PPFIBP2: variants seen among roughly 807,000 people sequenced by gnomAD.
The protein encoded by PPFIBP2 is liprin-beta-2.
A neutral mutation model predicts 118.3 loss-of-function variants in PPFIBP2; 118 were observed. The ratio of observed to expected loss-of-function variants is 1.00; its 90% CI spans 0.86 to 1.16. PPFIBP2 has a LOEUF of 1.16. Ranked by LOEUF, PPFIBP2 falls within the 50% of genes most tolerant of loss-of-function variation. PPFIBP2 has a pLI of 0.00. For synonymous variants in PPFIBP2, 414 were observed against 397.4 expected (o/e 1.04, Z -0.50); for missense variants, 1,195 against 1,073.1 (o/e 1.11, Z -1.59).
At position 7,632,532 on chromosome 11, in the gene PPFIBP2, G is replaced by A. The variant is rs1033004460; in HGVS notation, c.1069-335G>A. ...TTTTTAAAAGAGTCTGCAGTGGCTC[G>A]CTGAATGAAAGGAAAAGCTGAAGAA... On this transcript the variant is annotated intron_variant, in intron 11 of 23. Coordinates refer to ENST00000299492, the MANE Select transcript of PPFIBP2 (RefSeq NM_003621.5). 9.8e-5 allele frequency: 18 copies of A among 183,998 alleles called. No individual in the cohort carries two copies. The South Asian group carries it at 2.0e-3, about 21-fold the overall frequency. 11.4% of individuals were successfully genotyped at this position (183,998 alleles called of 1,614,324 possible).
intron 2 of PPFIBP2, among the ~76,000 whole-genome samples, chr11:7,556,682 G>C (rs1024040017): frequency 2.0e-5 from 3 of 152,116 alleles, no homozygotes; most frequent in African/African-American, 7.2e-5. Context: ...TAGTCTGTCA[G>C]TAATAGATTG....
chr11:7,612,257 C>T (rs538690038), intron 6 of PPFIBP2, among the ~76,000 whole-genome samples: 2 of 152,270 alleles, frequency 1.3e-5, no homozygotes, highest in African/African-American at 4.8e-5. Context: ...TCAGTAGCTC[C>T]GGAATGATAT....
At chr11:7,582,981 C>A (rs1013079321) in intron 3 of PPFIBP2, among the ~76,000 whole-genome samples, 1 of 152,154 alleles carries the variant, frequency 6.6e-6, no homozygotes, top group Admixed American at 6.5e-5. Flanking sequence ...AGGGAAAAAA[C>A]AAATCAAAAC....
chr11:7,610,752 C>T (rs900650296), intron 6 of PPFIBP2, among the ~76,000 whole-genome samples: 8 of 152,110 alleles, frequency 5.3e-5, no homozygotes, highest in Non-Finnish European at 7.3e-5. Flanking sequence ...GAAATGACGA[C>T]GTACCGGAAT....
chr11:7,514,766 A>G (rs1849083053), intron 1 of PPFIBP2, among the ~76,000 whole-genome samples: 1 of 152,240 alleles, frequency 6.6e-6, no homozygotes, highest in Non-Finnish European at 1.5e-5. Flanking sequence ...TGAAAATAAG[A>G]TTATGTAACA....
chr11:7,644,375 A>G (rs1191688102), intron 17 of PPFIBP2, among the ~76,000 whole-genome samples: 1 of 152,192 alleles, frequency 6.6e-6, no homozygotes, highest in Non-Finnish European at 1.5e-5. Flanking sequence ...ATAGTTTGTG[A>G]GTTTATTATG....
chr11:7,593,105 G>A (rs1333411845), intron 3 of PPFIBP2, 27 bp from the exon 4 acceptor site: 4 of 1,605,736 alleles, frequency 2.5e-6, no homozygotes, highest in East Asian at 2.2e-5. Context: ...CCTTTTAAGT[G>A]TATTCTTTTT....
At chr11:7,541,956 T>A (rs1851833499) in intron 1 of PPFIBP2, among the ~76,000 whole-genome samples, 1 of 152,208 alleles carries the variant, frequency 6.6e-6, no homozygotes, top group Non-Finnish European at 1.5e-5. Context: ...CCAAGGTATA[T>A]CAGGAATTAG....
intron 3 of PPFIBP2, among the ~76,000 whole-genome samples, chr11:7,582,731 A>C (rs74648448): frequency 6.6e-6 from 1 of 151,636 alleles, no homozygotes; most frequent in East Asian, 1.9e-4. Context: ...AAAAAAAAAA[A>C]CCAGCCAAAC....
At chr11:7,543,977 C>G (rs1045366308) in intron 1 of PPFIBP2, among the ~76,000 whole-genome samples, 2 of 152,174 alleles carry the variant, frequency 1.3e-5, no homozygotes, top group Admixed American at 1.3e-4. Flanking sequence ...GGCTTTTCCT[C>G]ACTGGCTGCA....
chr11:7,598,738 A>C (rs1042553627), intron 5 of PPFIBP2, among the ~76,000 whole-genome samples: 4 of 149,710 alleles, frequency 2.7e-5, no homozygotes, highest in African/African-American at 9.8e-5. Context: ...AAGCGCTAGC[A>C]TTTTTTTTTT....
At chr11:7,518,989 G>A (rs962620912) in intron 1 of PPFIBP2, among the ~76,000 whole-genome samples, 8 of 152,172 alleles carry the variant, frequency 5.3e-5, no homozygotes, top group Non-Finnish European at 8.8e-5. Context: ...TGGCGGGATG[G>A]GTTTACAGGC....
intron 1 of PPFIBP2, among the ~76,000 whole-genome samples, chr11:7,525,717 G>A (rs1439475510): frequency 6.6e-6 from 1 of 152,220 alleles, no homozygotes; most frequent in African/African-American, 2.4e-5. Context: ...TTGTGTGAGT[G>A]TCCTACCCAT....
In PPFIBP2 at chr11:7,528,136, C is replaced by G. The variant is rs78097427; in HGVS notation, c.-37+14015C>G. 2.8e-3 allele frequency among the ~76,000 whole-genome samples: 426 copies of G among 152,258 alleles called. 2 individuals carry two copies. The highest frequency in any genetic ancestry group is 7.5e-3 in the African/African-American group (312 of 41,540). On this transcript the variant is annotated intron_variant, in intron 1 of 23. Coordinates refer to ENST00000299492, the MANE Select transcript of PPFIBP2 (RefSeq NM_003621.5). ...ATGTTTAGAGTCCAGATTATGCAGTCTTAAATTTACAGTGAAGACCTGTTC... is the reference window on the plus strand; with the variant it reads ...ATGTTTAGAGTCCAGATTATGCAGTGTTAAATTTACAGTGAAGACCTGTTC...
At chr11:7,533,620 C>T (rs1465162365) in intron 1 of PPFIBP2, among the ~76,000 whole-genome samples, 4 of 152,154 alleles carry the variant, frequency 2.6e-5, no homozygotes. Context: ...GCATCCAGCA[C>T]CTTCAGGGAT....
intron 3 of PPFIBP2, among the ~76,000 whole-genome samples, chr11:7,592,637 G>A (rs1441743544): frequency 6.6e-6 from 1 of 152,216 alleles, no homozygotes; most frequent in Admixed American, 6.5e-5. Context: ...GTGATGTTCA[G>A]GATGGGCCTC....
At chr11:7,620,110 C>T (rs928561824) in intron 6 of PPFIBP2, among the ~76,000 whole-genome samples, 9 of 152,130 alleles carry the variant, frequency 5.9e-5, no homozygotes. Context: ...TGAATTCCAG[C>T]TCCACCACTT....
intron 6 of PPFIBP2, among the ~76,000 whole-genome samples, chr11:7,618,133 T>C (rs1848892974): frequency 6.6e-6 from 1 of 152,084 alleles, no homozygotes; most frequent in South Asian, 2.1e-4. Flanking sequence ...CTGTTGAAAA[T>C]CTAGACATAG....
intron 6 of PPFIBP2, among the ~76,000 whole-genome samples, chr11:7,614,826 T>G (rs1848450567): frequency 6.6e-6 from 1 of 152,126 alleles, no homozygotes; most frequent in South Asian, 2.1e-4. Flanking sequence ...TAGTTTCACA[T>G]AGAAAAGAAC....
Sources: allele counts gnomAD v4.1 joint callset (sites outside exome capture counted in the v4.1 genomes callset), GRCh38; gene constraint gnomAD v4.1.1; transcripts MANE v1.5; gene names NCBI Gene and HGNC (gene_info 2026-07-23, HGNC 2026-07-21).